MAPK7: variants seen among roughly 807,000 people sequenced by gnomAD.
MAPK7 encodes mitogen-activated protein kinase 7, also known as BMK-1.
In MAPK7, 30 loss-of-function variants were observed where a neutral mutation model predicts 56.9. The observed-to-expected ratio is 0.53, with a 90% CI of 0.39 to 0.72. The LOEUF (loss-of-function observed/expected upper bound fraction) is 0.72. Ranked by LOEUF, MAPK7 falls within the 30% of genes least tolerant of loss-of-function variation. The pLI, the probability that MAPK7 is intolerant of heterozygous loss-of-function variation, is 0.00. For missense variants in MAPK7, 952 were observed against 1,110.8 expected (o/e 0.86, Z 2.03); for synonymous variants, 516 against 449.3 (o/e 1.15, Z -1.88).
At chr17:19,379,346 CCTT>C (rs1262312570) in intron 2 of MAPK7, 5 of 598,796 alleles carry the variant, frequency 8.4e-6, no homozygotes, top group Non-Finnish European at 1.2e-5. Flanking sequence ...CCTACTTCCT[CCTT>C]AGGAAAATGA....
At chr17:19,380,400 G>A (rs1328639332) in intron 3 of MAPK7, 1 of 1,354,764 alleles carries the variant, frequency 7.4e-7, no homozygotes, top group Non-Finnish European at 9.6e-7. Context: ...ACTAGGTCTG[G>A]AGACAAAAGT....
At position 19,378,707 on chromosome 17, in the gene MAPK7, C is replaced by A; in HGVS notation, c.-6+77C>A. 1 of 1,405,466 alleles carries A rather than the reference C, an allele frequency of 7.1e-7. No homozygotes were observed. Among genetic ancestry groups the A allele is most frequent in the Non-Finnish European group, 9.3e-7 (1 of 1,077,562 alleles). 87.1% of individuals were successfully genotyped at this position (1,405,466 alleles called of 1,614,324 possible). A position where few individuals can be genotyped will look rare whatever the true frequency, so the allele number is the denominator to read the frequency against. On this transcript the variant is annotated intron_variant, in intron 1 of 6. Transcript: ENST00000395604. The surrounding 1 kb of genome is among the most constrained non-coding windows in gnomAD (Gnocchi z 5.4). The stretch of plus-strand genomic sequence containing the variant: ...GGCCCGCGCCTCGCCTACCCCTCCC[C>A]CGACCCTGGCGGGCCCCCGGCTCTG...
chr17:19,381,824 G>A lies in MAPK7; in HGVS notation c.1521G>A (p.Pro507=), dbSNP rs771079136. 16 of 1,573,974 alleles carry A rather than the reference G, an allele frequency of 1.0e-5. No homozygotes were observed. The highest frequency in any genetic ancestry group is 1.3e-5 in the Non-Finnish European group (15 of 1,161,512). Residue 507 remains proline, a synonymous_variant, in exon 5 of 7, where the codon CCG becomes CCA. Coordinates refer to ENST00000395604, the MANE Select transcript of MAPK7 (RefSeq NM_002749.4). The surrounding 1 kb of genome is among the most constrained non-coding windows in gnomAD (Gnocchi z 4.6). ...TGGAGGCTCCTGAGCCTCGGAAGCC[G>A]GTGACAGCCCAGGAGCGCCAGCGGG... ...APLEAPEPRK[P]VTAQERQRER...
intron 5 of MAPK7, 93 bp downstream of exon 5, chr17:19,382,559 G>C: frequency 4.0e-6 from 6 of 1,507,550 alleles, no homozygotes; most frequent in Non-Finnish European, 4.4e-6. Flanking sequence ...AAACTGAGCA[G>C]CAGATGGGGC....
intron 3 of MAPK7, 196 bp from the exon 4 acceptor site, chr17:19,380,412 A>G: frequency 7.2e-7 from 1 of 1,383,670 alleles, no homozygotes; most frequent in Non-Finnish European, 9.3e-7. Context: ...GACAAAAGTG[A>G]TTTAACCAAG....
At position 19,381,273 on chromosome 17, in the gene MAPK7, A is replaced by G. The variant is rs1250872576; in HGVS notation, c.1064A>G (p.Asp355Gly). 5.0e-6 allele frequency: 8 copies of G among 1,614,018 alleles called. No individual in the cohort carries two copies. The highest frequency in any genetic ancestry group is 6.8e-6 in the Non-Finnish European group (8 of 1,180,032). The change falls in exon 4 of 7, where the codon GAT (aspartate) becomes GGT (glycine). Residue 355 changes from aspartate (D) to glycine (G), a missense_variant. Asp to Gly is a moderately conservative substitution (Grantham distance 94). Coordinates refer to ENST00000395604, the MANE Select transcript of MAPK7 (RefSeq NM_002749.4). This position sits in a 1 kb window ranked among gnomAD's most constrained non-coding sequence, Gnocchi z 4.6. Reference protein sequence around the residue: ...PFLAKYHDPDDEPDCAPPFDF... With the variant: ...PFLAKYHDPDGEPDCAPPFDF... Reference sequence around the variant, plus strand: ...CTGGCCAAGTACCATGATCCTGATGATGAGCCTGACTGTGCCCCGCCCTTT... The same window carrying G: ...CTGGCCAAGTACCATGATCCTGATGGTGAGCCTGACTGTGCCCCGCCCTTT...
At position 19,383,112 on chromosome 17, in the gene MAPK7, C is replaced by A. The variant is rs765681181; in HGVS notation, c.2332C>A (p.Leu778Ile). 1 of 1,614,186 alleles carries A rather than the reference C, an allele frequency of 6.2e-7. No individual in the cohort carries two copies. The highest frequency in any genetic ancestry group is 8.5e-7 in the Non-Finnish European group (1 of 1,180,030). ...TTCAGCCTCTCTCTCAGCCTCCCTG[C>A]TTGCTGACTGGCTCGAAGGCCATGG... is the stretch of plus-strand genomic sequence containing the variant. ...ADSASLSASL[L>I]ADWLEGHGMN... Residue 778 changes from leucine to isoleucine, a missense_variant, in exon 7 of 7, where the codon CTT becomes ATT. Around this residue, in one of 5 missense-constraint regions of MAPK7, gnomAD observed 73 missense variants for 104.6 expected, o/e 0.70. Coordinates refer to ENST00000395604, the MANE Select transcript of MAPK7 (RefSeq NM_002749.4).
chr17:19,381,127 T>G lies in MAPK7; in HGVS notation c.918T>G (p.Pro306=). Reference sequence around the variant, plus strand: ...TCCAGAGCTTGCCACCACGCCAGCCTGTGCCCTGGGAGACAGTGTACCCAG... The same window carrying G: ...TCCAGAGCTTGCCACCACGCCAGCCGGTGCCCTGGGAGACAGTGTACCCAG... ...AYIQSLPPRQ[P]VPWETVYPGA... The change falls in exon 4 of 7, where the codon CCT becomes CCG. Residue 306 remains proline (P), a synonymous_variant. Transcript: ENST00000395604. This position sits in a 1 kb window ranked among gnomAD's most constrained non-coding sequence, Gnocchi z 4.6. 1 of 1,613,990 alleles carries G rather than the reference T, an allele frequency of 6.2e-7. No individual in the cohort carries two copies.
In MAPK7 at chr17:19,379,005, G is replaced by T. The variant is rs932256706; in HGVS notation, c.105G>T (p.Lys35Asn). Reference sequence around the variant, plus strand: ...ACACCGCTGCCTCTGTAGCGGCCAAGAACCTGGCCCTGCTTAAAGCCCGCT... The same window carrying T: ...ACACCGCTGCCTCTGTAGCGGCCAATAACCTGGCCCTGCTTAAAGCCCGCT... ...PAHTAASVAA[K>N]NLALLKARSF... Residue 35 changes from lysine (K) to asparagine (N), a missense_variant, in exon 2 of 7, where the codon AAG (lysine) becomes AAT (asparagine). Physicochemically the swap from Lys to Asn is moderately conservative, Grantham distance 94. This residue lies in a region of MAPK7 where 213 missense variants were observed against 243.2 expected (regional missense o/e 0.88). Transcript: ENST00000395604. 1.2e-6 allele frequency: 2 copies of T among 1,613,292 alleles called. No homozygotes were observed. The highest frequency in any genetic ancestry group is 2.7e-5 in the African/African-American group (2 of 74,924).
rs542828832 is a variant in MAPK7, at chr17:19,380,950, T to C, written c.741T>C (p.Ser247=). The change falls in exon 4 of 7, where the codon TCT becomes TCC. Residue 247 remains serine (S), a synonymous_variant. Coordinates refer to ENST00000395604, the MANE Select transcript of MAPK7 (RefSeq NM_002749.4). ...HEYTQAIDLW[S]VGCIFGEMLA... ...ATACACAGGCTATTGACCTCTGGTC[T>C]GTGGGCTGCATCTTTGGTGAGATGC... The C allele has an allele frequency of 1.2e-5, 19 of 1,614,246 alleles. 1 individual carries two copies. The South Asian group carries it at 1.9e-4, about 16-fold the overall frequency.
Position 19,379,790 on chromosome 17 carries a change from G to T in MAPK7, c.241G>T (p.Val81Leu). The T allele has an allele frequency of 6.2e-7, 1 of 1,614,040 alleles. No individual in the cohort carries two copies. Among genetic ancestry groups the T allele is most frequent in the South Asian group, 1.1e-5 (1 of 91,084 alleles). ...TTTTCCCTGCTCCTCAGGCCAGCAG[G>T]TGGCCATCAAGAAGATCCCTAATGC... Reference protein sequence around the residue: ...SARRRLTGQQVAIKKIPNAFD... With the variant: ...SARRRLTGQQLAIKKIPNAFD... Residue 81 changes from valine (V) to leucine (L), a missense_variant, in exon 3 of 7, where the codon GTG becomes TTG. This residue lies in a region of MAPK7 where 213 missense variants were observed against 243.2 expected (regional missense o/e 0.88). Coordinates refer to ENST00000395604, the MANE Select transcript of MAPK7 (RefSeq NM_002749.4).
chr17:19,379,136 A>G lies in MAPK7; in HGVS notation c.232+4A>G. On this transcript the variant is annotated splice_donor_region_variant and intron_variant, in intron 2 of 6. Coordinates refer to ENST00000395604, the MANE Select transcript of MAPK7 (RefSeq NM_002749.4). ...TCCGCCCGCCGCCGCCTCACCGGTG[A>G]GCTTCCTGAGCCGTCGCCTCCCAGA... The G allele has an allele frequency of 6.2e-7, 1 of 1,610,848 alleles. No homozygotes were observed. Among genetic ancestry groups the G allele is most frequent in the Non-Finnish European group, 8.5e-7 (1 of 1,178,952 alleles).
Position 19,378,745 on chromosome 17 carries a change from T to A in MAPK7, c.-6+115T>A. 3 of 1,269,728 alleles carry A rather than the reference T, an allele frequency of 2.4e-6. No homozygotes were observed. The highest frequency in any genetic ancestry group is 2.8e-5 in the East Asian group (1 of 35,902). 78.7% of individuals were successfully genotyped at this position (1,269,728 alleles called of 1,614,324 possible). A position where few individuals can be genotyped will look rare whatever the true frequency, so the allele number is the denominator to read the frequency against. ...GCCCCCGGCTCTGGGCCCGGACCCC[T>A]GGGGTAGCTAGTCTGCCACGAACCA... On this transcript the variant is annotated intron_variant, in intron 1 of 6. Transcript: ENST00000395604. The surrounding 1 kb of genome is among the most constrained non-coding windows in gnomAD (Gnocchi z 5.4).
chr17:19,380,433 A>G, intron 3 of MAPK7, 175 bp from the exon 4 acceptor site: 2 of 1,391,616 alleles, frequency 1.4e-6, no homozygotes, highest in East Asian at 5.3e-5. Context: ...TTCATGGAAA[A>G]GTCGTAGAGA....
At chr17:19,382,667 C>G (rs1250160333) in intron 5 of MAPK7, 146 bp from the exon 6 acceptor site, 1 of 1,402,194 alleles carries the variant, frequency 7.1e-7, no homozygotes, top group African/African-American at 1.4e-5. Flanking sequence ...AAGTGCCTAG[C>G]CCAGAGATGG....
At chr17:19,378,453 C>T, upstream of MAPK7, 2 of 1,023,778 alleles carry the variant, frequency 2.0e-6, no homozygotes, top group Non-Finnish European at 2.3e-6. This position sits in a 1 kb window ranked among gnomAD's most constrained non-coding sequence, Gnocchi z 5.4. Context: ...TGGCCAGGAG[C>T]TGGAGGGAGC....
intron 5 of MAPK7, 86 bp from the exon 6 acceptor site, chr17:19,382,727 T>G (rs990711834): frequency 2.5e-5 from 38 of 1,538,688 alleles, no homozygotes; most frequent in Non-Finnish European, 3.3e-5. Flanking sequence ...CACTCCCAGA[T>G]ATCCAGGCGG....
At chr17:19,380,378 T>A (rs1040870732) in intron 3 of MAPK7, 2 of 1,209,674 alleles carry the variant, frequency 1.7e-6, no homozygotes, top group Non-Finnish European at 1.1e-6. Context: ...CCATCTTTTA[T>A]CTGATGGGGA....
Position 19,381,600 on chromosome 17 carries a change from C to T in MAPK7, c.1391C>T (p.Pro464Leu), listed in dbSNP as rs756826269. Residue 464 changes from proline (P) to leucine (L), a missense_variant, in exon 4 of 7, where the codon CCA becomes CTA. Pro to Leu is a moderately conservative substitution (Grantham distance 98). Transcript: ENST00000395604. The surrounding 1 kb of genome is among the most constrained non-coding windows in gnomAD (Gnocchi z 4.6). Reference sequence around the variant, plus strand: ...CCTCCACCAGTCAGTGAGCCTGCCCCACCAAAGAAAGATGGTGCCATCTCA... The same window carrying T: ...CCTCCACCAGTCAGTGAGCCTGCCCTACCAAAGAAAGATGGTGCCATCTCA... ...QPPPPVSEPA[P>L]PKKDGAISDN... 1 of 1,613,960 alleles carries T rather than the reference C, an allele frequency of 6.2e-7. No homozygotes were observed. The highest frequency in any genetic ancestry group is 8.5e-7 in the Non-Finnish European group (1 of 1,179,982).
Sources: gnomAD v4.1 joint callset for allele counts on GRCh38, gnomAD v4.1.1 for gene constraint, gnomAD v4.1.1 regional missense constraint, Gnocchi (gnomAD v3.1) non-coding constraint, MANE v1.5 for transcripts, NCBI Gene and HGNC (gene_info 2026-07-23, HGNC 2026-07-21) for gene names.